Variants in NRXN1 observed in about 807,000 individuals in gnomAD.
The protein encoded by NRXN1 is neurexin-1.
A neutral mutation model predicts 150.9 loss-of-function variants in NRXN1; 39 were observed. That is an observed-to-expected ratio of 0.26 (90% CI 0.20 to 0.34). The LOEUF is 0.34. Among genes scored for constraint, NRXN1 ranks in the 10% least tolerant of loss-of-function variants. NRXN1 has a pLI of 1.00. For missense variants in NRXN1, 1,815 were observed against 1,949.9 expected (o/e 0.93, Z 1.30); for synonymous variants, 924 against 757.0 (o/e 1.22, Z -3.62).
intron 5 of NRXN1, among the ~76,000 whole-genome samples, chr2:50,684,981 C>G (rs756342053): frequency 1.3e-5 from 2 of 152,104 alleles, no homozygotes; most frequent in Non-Finnish European, 2.9e-5. Context: ...ATGATAGCTA[C>G]ATCATTAAGA....
At chr2:50,142,261 T>G (rs1226463817) in intron 18 of NRXN1, among the ~76,000 whole-genome samples, 2 of 151,750 alleles carry the variant, frequency 1.3e-5, no homozygotes, top group Non-Finnish European at 2.9e-5. Context: ...AAGTTGATCT[T>G]ATGGAGGTGG....
intron 2 of NRXN1, among the ~76,000 whole-genome samples, chr2:50,948,024 T>A (rs1198635282): frequency 6.6e-6 from 1 of 151,776 alleles, no homozygotes; most frequent in Non-Finnish European, 1.5e-5. Context: ...TCCCACATAA[T>A]CCTGGCAAGT....
At chr2:50,915,085 T>A (rs1417437486) in intron 5 of NRXN1, among the ~76,000 whole-genome samples, 3 of 151,688 alleles carry the variant, frequency 2.0e-5, no homozygotes, top group African/African-American at 7.2e-5. Context: ...CAAATTGCAG[T>A]ATTAAGCAGG....
chr2:50,560,993 A>G (rs1483573207), intron 8 of NRXN1, among the ~76,000 whole-genome samples: 3 of 152,230 alleles, frequency 2.0e-5, no homozygotes, highest in African/African-American at 7.2e-5. Flanking sequence ...AAAATTGGAG[A>G]GGGAAAAAAC....
intron 5 of NRXN1, among the ~76,000 whole-genome samples, chr2:50,641,188 C>T (rs1398314432): frequency 6.6e-6 from 1 of 152,046 alleles, no homozygotes; most frequent in Non-Finnish European, 1.5e-5. Context: ...ACATTTGGCT[C>T]AAGGTTTTAA....
At chr2:50,137,734 C>T (rs1706638306) in intron 18 of NRXN1, among the ~76,000 whole-genome samples, 1 of 151,840 alleles carries the variant, frequency 6.6e-6, no homozygotes, top group South Asian at 2.1e-4. Flanking sequence ...AAAGTGGGTT[C>T]AATTTTGATT....
At chr2:50,069,349 C>T (rs1695853814) in intron 19 of NRXN1, among the ~76,000 whole-genome samples, 1 of 152,058 alleles carries the variant, frequency 6.6e-6, no homozygotes, top group Non-Finnish European at 1.5e-5. Flanking sequence ...CTAAGCTGAC[C>T]CTCAATGCTA....
chr2:50,169,546 C>G (rs1314111763), intron 18 of NRXN1, among the ~76,000 whole-genome samples: 1 of 151,860 alleles, frequency 6.6e-6, no homozygotes, highest in Non-Finnish European at 1.5e-5. Context: ...AACCCCATCT[C>G]TACTAAAAAT....
chr2:50,107,404 A>AAATTTTT (rs1701801162), intron 18 of NRXN1, among the ~76,000 whole-genome samples: 1 of 151,310 alleles, frequency 6.6e-6, no homozygotes, highest in Admixed American at 6.6e-5. Flanking sequence ...CCCATCTTTT[A>AAATTTTT]AATTTTTAAA....
chr2:50,747,194 C>A (rs1043079572), intron 5 of NRXN1, among the ~76,000 whole-genome samples: 4 of 152,018 alleles, frequency 2.6e-5, no homozygotes, highest in African/African-American at 9.7e-5. Flanking sequence ...AGAAAGATGG[C>A]CACAGATCAG....
intron 5 of NRXN1, among the ~76,000 whole-genome samples, chr2:50,626,677 A>G (rs867365962): frequency 6.6e-6 from 1 of 151,942 alleles, no homozygotes; most frequent in Admixed American, 6.6e-5. Flanking sequence ...GTCAGACAAT[A>G]AAGTTTGATA....
intron 18 of NRXN1, among the ~76,000 whole-genome samples, chr2:50,110,555 C>A (rs972717379): frequency 6.7e-6 from 1 of 149,450 alleles, no homozygotes; most frequent in Non-Finnish European, 1.5e-5. Flanking sequence ...GTTTATACAA[C>A]CTTCAAAATA....
At chr2:50,686,218 T>A (rs1314662457) in intron 5 of NRXN1, among the ~76,000 whole-genome samples, 1 of 152,174 alleles carries the variant, frequency 6.6e-6, no homozygotes, top group Non-Finnish European at 1.5e-5. Context: ...AGAAACTGGA[T>A]GGCAGAGTGT....
intron 2 of NRXN1, among the ~76,000 whole-genome samples, chr2:51,015,132 A>G (rs12467557): frequency 0.098 from 14,945 of 151,900 alleles, 1,409 homozygotes; most frequent in East Asian, 0.44. Flanking sequence ...ACAGTTCTCA[A>G]TGTCCTCATT....
intron 19 of NRXN1, among the ~76,000 whole-genome samples, chr2:50,063,466 T>C (rs1391558329): frequency 6.6e-6 from 1 of 151,586 alleles, no homozygotes; most frequent in African/African-American, 2.4e-5. Context: ...GCTAAGCCAA[T>C]CCACTTTGAA....
chr2:50,327,078 T>C (rs1219121603), intron 17 of NRXN1, among the ~76,000 whole-genome samples: 3 of 152,228 alleles, frequency 2.0e-5, no homozygotes, highest in Non-Finnish European at 1.5e-5. Context: ...GAAATGACTA[T>C]TGTGTCCCAA....
chr2:50,508,633 A>G (rs2092336868), intron 12 of NRXN1, among the ~76,000 whole-genome samples: 1 of 151,922 alleles, frequency 6.6e-6, no homozygotes, highest in African/African-American at 2.4e-5. Flanking sequence ...TTTTTTAAAT[A>G]TATTTTGTCA....
chr2:50,072,886 T>G (rs1400273130), intron 19 of NRXN1, among the ~76,000 whole-genome samples: 3 of 152,188 alleles, frequency 2.0e-5, no homozygotes, highest in Non-Finnish European at 2.9e-5. Context: ...ATGGATGTAA[T>G]GACCTCAAGA....
At chr2:51,014,026 C>G (rs2105217774) in intron 2 of NRXN1, among the ~76,000 whole-genome samples, 1 of 152,064 alleles carries the variant, frequency 6.6e-6, no homozygotes, top group Middle Eastern at 3.4e-3. Context: ...CACTAGATAA[C>G]AAAAACCTAT....
Sources: allele counts gnomAD v4.1 joint callset (sites outside exome capture counted in the v4.1 genomes callset), GRCh38; gene constraint gnomAD v4.1.1; transcripts MANE v1.5; gene names NCBI Gene and HGNC (gene_info 2026-07-23, HGNC 2026-07-21).